Variants in COL13A1 observed in about 807,000 individuals in gnomAD.
COL13A1 encodes collagen type XIII alpha 1 chain, also known as collagen alpha-1(XIII) chain.
In COL13A1, 89 loss-of-function variants were observed where a neutral mutation model predicts 130.9. The ratio of observed to expected loss-of-function variants is 0.68; its 90% CI spans 0.57 to 0.81. The LOEUF (loss-of-function observed/expected upper bound fraction) is 0.81. Ranked by LOEUF, COL13A1 falls within the 30% of genes least tolerant of loss-of-function variation. COL13A1 has a pLI of 0.00. For missense variants in COL13A1, 879 were observed against 934.6 expected (o/e 0.94, Z 0.78); for synonymous variants, 402 against 341.6 (o/e 1.18, Z -1.95).
chr10:69,806,131 C>T (rs1339492763), intron 1 of COL13A1, among the ~76,000 whole-genome samples: 1 of 152,250 alleles, frequency 6.6e-6, no homozygotes, highest in African/African-American at 2.4e-5. Context: ...AGGCCATGCA[C>T]AAGACCAGAT....
chr10:69,828,182 C>T (rs1227755), intron 2 of COL13A1, among the ~76,000 whole-genome samples: 3,709 of 152,200 alleles, frequency 0.024, 70 homozygotes, highest in Non-Finnish European at 0.039. Context: ...TCCTCCTGTT[C>T]GATTGCTGTT....
intron 24 of COL13A1, 24 bp from the exon 25 acceptor site, chr10:69,924,939 T>C: frequency 6.4e-7 from 1 of 1,571,848 alleles, no homozygotes; most frequent in South Asian, 1.2e-5. Context: ...ATCCCCACTT[T>C]GCTCCAATTT....
At chr10:69,883,980 G>A (rs977075864) in intron 7 of COL13A1, among the ~76,000 whole-genome samples, 6 of 152,268 alleles carry the variant, frequency 3.9e-5, no homozygotes, top group South Asian at 2.1e-4. Flanking sequence ...GAAGGATTTC[G>A]TGATGATAAA....
rs2068079971 is a variant in COL13A1, at chr10:69,944,130, T to C, written c.1920T>C (p.Thr640=). The change falls in exon 36 of 41, where the codon ACT becomes ACC. Residue 640 remains threonine, a synonymous_variant. Coordinates refer to ENST00000645393, the MANE Select transcript of COL13A1 (RefSeq NM_001368882.1). ...GLDGRPGPPG[T]PGPIGVPGPA... The stretch of plus-strand genomic sequence containing the variant: ...GCTTTCTTTCCCCTTCCCAGGGTAC[T>C]CCAGGACCAATTGGAGTTCCAGGCC... The C allele has an allele frequency of 6.2e-7, 1 of 1,613,764 alleles. No homozygotes were observed.
In COL13A1 at chr10:69,927,399, T is replaced by A. The variant is rs376406792; in HGVS notation, c.1422+289T>A. Among the ~76,000 whole-genome samples, 11 of 152,354 alleles carry A rather than the reference T, an allele frequency of 7.2e-5. No homozygotes were observed. In the East Asian group the frequency reaches 7.7e-4, roughly 11 times the overall value. On this transcript the variant is annotated intron_variant, in intron 27 of 40. Coordinates refer to ENST00000645393, the MANE Select transcript of COL13A1 (RefSeq NM_001368882.1). ...TGGTGACAATACAAATGCTGGATTCTATTTACAGCTGCGTGAAGGAAATAG... is the reference window on the plus strand; with the variant it reads ...TGGTGACAATACAAATGCTGGATTCAATTTACAGCTGCGTGAAGGAAATAG...
At chr10:69,830,621 A>T (rs1848597636) in intron 2 of COL13A1, among the ~76,000 whole-genome samples, 2 of 152,242 alleles carry the variant, frequency 1.3e-5, no homozygotes, top group Non-Finnish European at 2.9e-5. Context: ...CAAATTCAGC[A>T]GGGAGGAGGG....
chr10:69,887,641 A>G lies in COL13A1; in HGVS notation c.549+150A>G, dbSNP rs1007779029. ...GCTTCTACAGCCATTCATGGACACC[A>G]ACTCAGGACAGTAGCTCAGCAGTCA... On this transcript the variant is annotated intron_variant, in intron 8 of 40. Coordinates refer to ENST00000645393, the MANE Select transcript of COL13A1 (RefSeq NM_001368882.1). The G allele has an allele frequency of 1.6e-5, 12 of 771,312 alleles. No individual in the cohort carries two copies. The African/African-American group carries it at 2.1e-4, about 14-fold the overall frequency. The allele number at this position is 771,312 out of a possible 1,614,324, so 47.8% of individuals were successfully genotyped here.
At chr10:69,849,734 T>C (rs1564839072) in intron 2 of COL13A1, among the ~76,000 whole-genome samples, 4 of 152,128 alleles carry the variant, frequency 2.6e-5, no homozygotes, top group African/African-American at 9.7e-5. Flanking sequence ...GTGATTCCCT[T>C]AGTGACTCCT....
chr10:69,918,270 T>TC lies in COL13A1; in HGVS notation c.967-15_967-14insC. On this transcript the variant is annotated splice_polypyrimidine_tract_variant and intron_variant, in intron 18 of 40. Transcript: ENST00000645393. ...GCAGAATGTCTTCAGACCTTTTTTT[T>TC]TCTCTCTCTGCCAGGGGGCGCCCGG... 9 of 1,611,300 alleles carry TC rather than the reference T, an allele frequency of 5.6e-6. No individual in the cohort carries two copies. The highest frequency in any genetic ancestry group is 1.8e-4 in the Middle Eastern group (1 of 5,408).
chr10:69,950,170 A>G (rs2069280125), intron 38 of COL13A1, among the ~76,000 whole-genome samples: 3 of 151,698 alleles, frequency 2.0e-5, no homozygotes, highest in South Asian at 4.2e-4. Flanking sequence ...CTGTCAGTTT[A>G]TCTCCTCCAA....
Position 69,902,751 on chromosome 10 carries a change from G to A in COL13A1, c.754G>A (p.Glu252Lys), listed in dbSNP as rs41277962. Residue 252 changes from glutamate to lysine, a missense_variant, in exon 15 of 41, where the codon GAA (glutamate) becomes AAA (lysine). By Grantham distance (56) the Glu-to-Lys change is moderately conservative. Around this residue, in one of 3 missense-constraint regions of COL13A1, gnomAD observed 715 missense variants for 721.0 expected, o/e 0.99. Transcript: ENST00000645393. ...CATTCGTTTCCATGAACCTCAGGGC[G>A]AACAGAGCCAGGCCAGCATCCAAGG... Reference protein sequence around the residue: ...PVIKRRTFQGEQSQASIQGPP... With the variant: ...PVIKRRTFQGKQSQASIQGPP... The A allele has an allele frequency of 9.3e-3, 14,390 of 1,549,824 alleles. 97 individuals carry two copies. The highest frequency in any genetic ancestry group is 0.011 in the Non-Finnish European group (12,995 of 1,147,010).
At chr10:69,932,646 T>C (rs781704871) in intron 31 of COL13A1, 42 bp downstream of exon 31, 7 of 1,329,430 alleles carry the variant, frequency 5.3e-6, no homozygotes, top group Non-Finnish European at 7.6e-6. Context: ...CAAGCGACAG[T>C]CTCTGCAGCA....
At chr10:69,917,249 G>T (rs751364499) in intron 17 of COL13A1, 40 bp from the exon 18 acceptor site, 47 of 1,612,240 alleles carry the variant, frequency 2.9e-5, no homozygotes, top group Non-Finnish European at 3.7e-5. Context: ...CAGGCCCCGA[G>T]TCTGGTCCTC....
At chr10:69,877,699 TCACACA>T (rs10532425) in intron 5 of COL13A1, 11,657 of 86,264 alleles carry the variant, frequency 0.14, 832 homozygotes, top group Middle Eastern at 0.18. Flanking sequence ...TCTCTCTCTC[TCACACA>T]CACACACACA....
At chr10:69,855,066 G>A (rs1181110833) in intron 2 of COL13A1, among the ~76,000 whole-genome samples, 4 of 152,216 alleles carry the variant, frequency 2.6e-5, no homozygotes, top group South Asian at 2.1e-4. Context: ...TGGGCAATCC[G>A]TGTAACCTAT....
intron 2 of COL13A1, among the ~76,000 whole-genome samples, chr10:69,823,293 A>G (rs1846592424): frequency 6.6e-6 from 1 of 152,250 alleles, no homozygotes; most frequent in Admixed American, 6.5e-5. Context: ...TGTTATTGTT[A>G]AGCCATGAGA....
At chr10:69,927,978 G>T (rs1400261060) in intron 27 of COL13A1, among the ~76,000 whole-genome samples, 1 of 152,098 alleles carries the variant, frequency 6.6e-6, no homozygotes, top group East Asian at 1.9e-4. Flanking sequence ...TGGCCAACAT[G>T]GTGTCTCTAC....
At chr10:69,908,753 C>G (rs1239827158) in intron 17 of COL13A1, among the ~76,000 whole-genome samples, 5 of 152,142 alleles carry the variant, frequency 3.3e-5, no homozygotes, top group Admixed American at 3.3e-4. Flanking sequence ...CCAGTGTAGC[C>G]CTCCTGATGG....
At chr10:69,915,968 C>A (rs995973030) in intron 17 of COL13A1, among the ~76,000 whole-genome samples, 2 of 152,118 alleles carry the variant, frequency 1.3e-5, no homozygotes, top group Non-Finnish European at 2.9e-5. Context: ...TGGTCCTTTT[C>A]CTACTGTCAA....
Sources: allele counts gnomAD v4.1 joint callset (sites outside exome capture counted in the v4.1 genomes callset), GRCh38; gene constraint gnomAD v4.1.1; regional missense constraint gnomAD v4.1.1; transcripts MANE v1.5; gene names NCBI Gene and HGNC (gene_info 2026-07-23, HGNC 2026-07-21).